POC1A: variants seen among roughly 807,000 people sequenced by gnomAD.
POC1A encodes POC1 centriolar protein homolog A.
Under a neutral mutation model 47.8 loss-of-function variants are expected in POC1A, and 34 were observed. The observed-to-expected ratio is 0.71, with a 90% confidence interval of 0.54 to 0.95. POC1A has a LOEUF of 0.95. POC1A is among the 40% of genes least tolerant of loss of function. The probability of loss-of-function intolerance (pLI) is 0.00; values close to 1 mark genes in which losing one functional copy is unlikely to be tolerated. For synonymous variants in POC1A, 177 were observed against 207.6 expected, an observed-to-expected ratio of 0.85 and a Z score of 1.27; for missense variants, 466 against 528.3, an observed-to-expected ratio of 0.88 and a Z score of 1.16.
intron 9 of POC1A, among the ~76,000 whole-genome samples, chr3:52,113,040 A>G (rs1283700781): frequency 6.6e-6 from 1 of 152,200 alleles, no homozygotes; most frequent in African/African-American, 2.4e-5. Flanking sequence ...GAGGCACACT[A>G]AAGTTTGAGA....
chr3:52,091,509 G>T (rs148399570), intron 10 of POC1A, among the ~76,000 whole-genome samples: 95 of 152,300 alleles, frequency 6.2e-4, no homozygotes, highest in African/African-American at 2.2e-3. Flanking sequence ...TGGGCCCCAT[G>T]ACCCATGCCT....
chr3:52,131,539 C>T (rs1458623340), intron 7 of POC1A, among the ~76,000 whole-genome samples: 3 of 152,184 alleles, frequency 2.0e-5, no homozygotes, highest in East Asian at 3.9e-4. Flanking sequence ...AGTGCCACCA[C>T]GCGGGTCTCC....
intron 8 of POC1A, 144 bp downstream of exon 8, chr3:52,124,969 C>T (rs866958165): frequency 1.3e-5 from 8 of 629,964 alleles, no homozygotes; most frequent in South Asian, 9.6e-5. Context: ...CCACCCCAAG[C>T]GCCATCAGGG....
intron 1 of POC1A, 32 bp from the exon 2 acceptor site, chr3:52,151,132 C>A (rs748162640): frequency 5.0e-6 from 8 of 1,612,738 alleles, no homozygotes; most frequent in South Asian, 1.1e-5. Flanking sequence ...ATGTGTGAAG[C>A]CTGGGTGAGG....
intron 6 of POC1A, among the ~76,000 whole-genome samples, chr3:52,145,374 G>C (rs912908311): frequency 6.6e-6 from 1 of 152,202 alleles, no homozygotes; most frequent in Non-Finnish European, 1.5e-5. Flanking sequence ...GGAGGACACT[G>C]TAAGACCAGA....
At chr3:52,114,417 G>T (rs1309984777) in intron 9 of POC1A, among the ~76,000 whole-genome samples, 1 of 152,198 alleles carries the variant, frequency 6.6e-6, no homozygotes, top group East Asian at 1.9e-4. Context: ...AGCATTGTGG[G>T]AATGTAGACA....
intron 9 of POC1A, among the ~76,000 whole-genome samples, chr3:52,098,315 G>T (rs1702888063): frequency 1.3e-5 from 2 of 152,224 alleles, no homozygotes; most frequent in Admixed American, 1.3e-4. Context: ...GAATGGGCCA[G>T]AGTCTGGTGC....
At chr3:52,120,223 T>A (rs1703725763) in intron 9 of POC1A, among the ~76,000 whole-genome samples, 1 of 148,002 alleles carries the variant, frequency 6.8e-6, no homozygotes, top group Non-Finnish European at 1.5e-5. Flanking sequence ...ATTGCACACT[T>A]AAAATGGTTA....
At chr3:52,125,650 G>C (rs1441271998) in intron 7 of POC1A, among the ~76,000 whole-genome samples, 2 of 152,046 alleles carry the variant, frequency 1.3e-5, no homozygotes, top group African/African-American at 2.4e-5. Context: ...GATCTCCAAG[G>C]AAGAGCCAAT....
chr3:52,138,067 A>G, intron 7 of POC1A, 102 bp downstream of exon 7: 1 of 1,278,768 alleles, frequency 7.8e-7, no homozygotes, highest in Non-Finnish European at 1.1e-6. Flanking sequence ...ATCTCCCTGC[A>G]GGCTGTGTGG....
chr3:52,148,907 T>C (rs1698459102), intron 4 of POC1A, among the ~76,000 whole-genome samples: 1 of 152,232 alleles, frequency 6.6e-6, no homozygotes, highest in South Asian at 2.1e-4. Context: ...TACCTAATTG[T>C]TTTTGATAAT....
intron 7 of POC1A, 74 bp from the exon 8 acceptor site, chr3:52,125,255 C>T (rs1703953403): frequency 1.2e-5 from 15 of 1,238,572 alleles, no homozygotes; most frequent in Middle Eastern, 1.9e-4. Flanking sequence ...GAAAACGAGA[C>T]GTTCTTGAAT....
chr3:52,144,573 TCCC>T (rs1388842281), intron 6 of POC1A, among the ~76,000 whole-genome samples: 1 of 151,804 alleles, frequency 6.6e-6, no homozygotes, highest in Admixed American at 6.6e-5. Context: ...TGTACCTCCT[TCCC>T]CCCATTTTGT....
intron 6 of POC1A, among the ~76,000 whole-genome samples, chr3:52,138,703 C>T (rs371984160): frequency 6.6e-6 from 1 of 152,196 alleles, no homozygotes; most frequent in Admixed American, 6.5e-5. Flanking sequence ...AAAACAAAAC[C>T]CTTCAAATGT....
At chr3:52,152,034 G>A (rs546065322) in intron 1 of POC1A, among the ~76,000 whole-genome samples, 1 of 152,314 alleles carries the variant, frequency 6.6e-6, no homozygotes, top group East Asian at 1.9e-4. Context: ...CACATTTTGG[G>A]AGGCTGAGGC....
At chr3:52,076,062 C>T (rs1025031266) in intron 10 of POC1A, 77 bp from the exon 11 acceptor site, 2 of 1,110,472 alleles carry the variant, frequency 1.8e-6, no homozygotes, top group African/African-American at 3.1e-5. Flanking sequence ...GGCCAGTCCC[C>T]ACTTGGCTGC....
At chr3:52,143,374 G>A (rs1225753025) in intron 6 of POC1A, among the ~76,000 whole-genome samples, 2 of 151,880 alleles carry the variant, frequency 1.3e-5, no homozygotes, top group African/African-American at 4.8e-5. Context: ...CCTCTCCCCA[G>A]TACCCACCGC....
intron 9 of POC1A, among the ~76,000 whole-genome samples, chr3:52,112,209 G>A (rs1381292418): frequency 6.6e-5 from 10 of 152,120 alleles, no homozygotes; most frequent in Non-Finnish European, 1.0e-4. Context: ...GCTGAAGTGC[G>A]GTGGTGCAAT....
At chr3:52,154,099 C>T (rs1698644201) in intron 1 of POC1A, among the ~76,000 whole-genome samples, 1 of 152,262 alleles carries the variant, frequency 6.6e-6, no homozygotes, top group African/African-American at 2.4e-5. Context: ...TCGTGTGTCC[C>T]TCGCTAGGAT....
Sources: gnomAD v4.1 joint callset for allele counts (sites outside exome capture counted in the v4.1 genomes callset) on GRCh38, gnomAD v4.1.1 for gene constraint, MANE v1.5 for transcripts, NCBI Gene and HGNC (gene_info 2026-07-23, HGNC 2026-07-21) for gene names.